The following CAMTA1 variants were observed in gnomAD, a reference collection of about 807,000 sequenced individuals.
CAMTA1 encodes calmodulin binding transcription activator 1.
CAMTA1 carries 27 observed loss-of-function variants against 170.9 expected under a neutral mutation model. That is an observed-to-expected ratio of 0.16 (90% CI 0.12 to 0.22). The LOEUF is 0.22. Ranked by LOEUF, CAMTA1 falls within the 10% of genes least tolerant of loss-of-function variation. The pLI is 1.00. For missense variants in CAMTA1, 1,619 were observed against 2,217.2 expected, an observed-to-expected ratio of 0.73 and a Z score of 5.42; for synonymous variants, 833 against 891.5, an observed-to-expected ratio of 0.93 and a Z score of 1.17.
chr1:7,276,303 A>ATATTTTT, intron 5 of CAMTA1, among the ~76,000 whole-genome samples: 3 of 24,228 alleles, frequency 1.2e-4, no homozygotes, highest in Admixed American at 6.5e-4. Flanking sequence ...ATATATATAT[A>ATATTTTT]TTTTTTTTTT....
intron 6 of CAMTA1, among the ~76,000 whole-genome samples, chr1:7,495,283 C>A (rs1451740731): frequency 6.6e-6 from 1 of 152,170 alleles, no homozygotes; most frequent in Non-Finnish European, 1.5e-5. Flanking sequence ...TGGGCTTTGT[C>A]ATGCCTTGAT....
At chr1:7,015,379 G>A (rs890766594) in intron 3 of CAMTA1, among the ~76,000 whole-genome samples, 7 of 152,158 alleles carry the variant, frequency 4.6e-5, no homozygotes, top group African/African-American at 1.7e-4. Flanking sequence ...TTTCTGGAAT[G>A]TTCTGCTCTT....
chr1:6,992,004 T>A (rs1188452107), intron 3 of CAMTA1, among the ~76,000 whole-genome samples: 1 of 145,986 alleles, frequency 6.8e-6, no homozygotes, highest in East Asian at 2.1e-4. Flanking sequence ...GCCCGGCTTT[T>A]GTTTATTGTT....
intron 4 of CAMTA1, among the ~76,000 whole-genome samples, chr1:7,164,557 T>TGCCC (rs1479101063): frequency 6.6e-6 from 1 of 152,230 alleles, no homozygotes; most frequent in Non-Finnish European, 1.5e-5. Context: ...TTGGGGTCTA[T>TGCCC]GCCCGTGCCT....
chr1:7,206,909 G>A (rs909264946), intron 4 of CAMTA1, among the ~76,000 whole-genome samples: 1 of 152,120 alleles, frequency 6.6e-6, no homozygotes, highest in Non-Finnish European at 1.5e-5. Flanking sequence ...CATGGACACA[G>A]TCTCCATGGA....
chr1:7,047,289 G>C (rs1035405500), intron 3 of CAMTA1, among the ~76,000 whole-genome samples: 1 of 152,210 alleles, frequency 6.6e-6, no homozygotes, highest in African/African-American at 2.4e-5. Flanking sequence ...AAAGGTTCAG[G>C]AGGATAGATT....
chr1:7,718,004 T>G (rs1384069382), intron 11 of CAMTA1, among the ~76,000 whole-genome samples: 1 of 152,242 alleles, frequency 6.6e-6, no homozygotes, highest in East Asian at 1.9e-4. Context: ...TAGCGGTGAC[T>G]GGGATGAACG....
At chr1:7,160,939 A>G (rs1246789894) in intron 4 of CAMTA1, among the ~76,000 whole-genome samples, 1 of 152,140 alleles carries the variant, frequency 6.6e-6, no homozygotes, top group Admixed American at 6.5e-5. Flanking sequence ...TGTACCTCTG[A>G]TACCTGGAAG....
chr1:7,465,219 G>GT (rs2093182481), intron 5 of CAMTA1, among the ~76,000 whole-genome samples: 1 of 152,134 alleles, frequency 6.6e-6, no homozygotes, highest in Non-Finnish European at 1.5e-5. Context: ...AAAAGCCTAA[G>GT]GCCCTGTGCC....
Position 7,609,821 on chromosome 1 carries a change from C to A in CAMTA1, c.511-30579C>A, listed in dbSNP as rs4317830. On this transcript the variant is annotated intron_variant, in intron 6 of 22. Coordinates refer to ENST00000303635, the MANE Select transcript of CAMTA1 (RefSeq NM_015215.4). This position sits in a 1 kb window ranked among gnomAD's most constrained non-coding sequence, Gnocchi z 4.4. ...GGGCACCTGTGAACACGTGTGAGTG[C>A]CAGGAACTGAGGTTCCTGGCATCCG... Among the ~76,000 whole-genome samples the A allele has an allele frequency of 6.6e-6, 1 of 152,122 alleles. No individual in the cohort carries two copies. Among genetic ancestry groups the A allele is most frequent in the Non-Finnish European group, 1.5e-5 (1 of 68,012 alleles).
chr1:7,430,587 G>A (rs908399095), intron 5 of CAMTA1, among the ~76,000 whole-genome samples: 2 of 152,176 alleles, frequency 1.3e-5, no homozygotes, highest in Non-Finnish European at 2.9e-5. Flanking sequence ...GGAGGTGATG[G>A]TGACAGGGAT....
chr1:6,878,509 T>C (rs1437706034), intron 3 of CAMTA1, among the ~76,000 whole-genome samples: 2 of 152,240 alleles, frequency 1.3e-5, no homozygotes, highest in Non-Finnish European at 2.9e-5. Flanking sequence ...AATTGAGAAG[T>C]GACTTGTACC....
chr1:6,799,061 C>T (rs891154948), intron 1 of CAMTA1, among the ~76,000 whole-genome samples: 18 of 151,850 alleles, frequency 1.2e-4, no homozygotes, highest in East Asian at 3.9e-4. Flanking sequence ...TTTATTTATT[C>T]GTTACTTATT....
At position 7,249,267 on chromosome 1, in the gene CAMTA1, A is replaced by G. The variant is rs902964845; in HGVS notation, c.303-224A>G. Among the ~76,000 whole-genome samples, 3 of 152,222 alleles carry G rather than the reference A, an allele frequency of 2.0e-5. No homozygotes were observed. The highest frequency in any genetic ancestry group is 7.2e-5 in the African/African-American group (3 of 41,450). ...TACTGAGGGGATGTTTTTTAAGCCT[A>G]TCATTGACACATTTAATTCATTAGG... On this transcript the variant is annotated intron_variant, in intron 4 of 22. Transcript: ENST00000303635. This position sits in a 1 kb window ranked among gnomAD's most constrained non-coding sequence, Gnocchi z 4.4.
intron 6 of CAMTA1, among the ~76,000 whole-genome samples, chr1:7,520,629 G>A (rs758913021): frequency 1.3e-5 from 2 of 151,936 alleles, no homozygotes; most frequent in Non-Finnish European, 2.9e-5. Context: ...GGGGAGCAGG[G>A]GCCCCTTCTG....
chr1:6,872,371 T>C (rs1341387356), intron 3 of CAMTA1, among the ~76,000 whole-genome samples: 7 of 152,244 alleles, frequency 4.6e-5, no homozygotes, highest in Non-Finnish European at 8.8e-5. Context: ...TATTTTGTAT[T>C]CTGAAGTATT....
At chr1:7,560,814 G>A (rs1019234159) in intron 6 of CAMTA1, among the ~76,000 whole-genome samples, 1 of 151,894 alleles carries the variant, frequency 6.6e-6, no homozygotes, top group African/African-American at 2.4e-5. Context: ...CAGGCACTCA[G>A]GTGGGGAAGA....
intron 3 of CAMTA1, among the ~76,000 whole-genome samples, chr1:7,055,588 C>T (rs914240663): frequency 1.3e-4 from 20 of 152,204 alleles, no homozygotes; most frequent in Non-Finnish European, 2.6e-4. Context: ...CCTTCTGTGC[C>T]GGATGCCATG....
chr1:6,908,877 TATTA>T (rs1035123882), intron 3 of CAMTA1, among the ~76,000 whole-genome samples: 103 of 152,246 alleles, frequency 6.8e-4, no homozygotes, highest in Admixed American at 6.6e-3. Flanking sequence ...AAGTGTGCAA[TATTA>T]ATTTAGCCAG....
Sources: allele counts gnomAD v4.1 joint callset (sites outside exome capture counted in the v4.1 genomes callset), GRCh38; gene constraint gnomAD v4.1.1; non-coding constraint Gnocchi (gnomAD v3.1); transcripts MANE v1.5; gene names NCBI Gene and HGNC (gene_info 2026-07-23, HGNC 2026-07-21).